CCNB1: variants seen among roughly 807,000 people sequenced by gnomAD.
The protein encoded by CCNB1 is G2/mitotic-specific cyclin-B1.
Under a neutral mutation model 44.4 loss-of-function variants are expected in CCNB1, and 26 were observed. That is an observed-to-expected ratio of 0.59 (90% CI 0.43 to 0.81). CCNB1 has a LOEUF of 0.81. CCNB1 is among the 40% of genes least tolerant of loss of function. The pLI is 0.00. For missense variants in CCNB1, 477 were observed against 520.9 expected (o/e 0.92, Z 0.82); for synonymous variants, 195 against 181.4 (o/e 1.08, Z -0.60).
rs1217971657 is a variant in CCNB1 at position 69,177,231 on chromosome 5, T to C, written c.1084-8T>C. 2 of 1,486,184 alleles carry C rather than the reference T, an allele frequency of 1.3e-6. No individual in the cohort carries two copies. The highest frequency in any genetic ancestry group is 1.4e-5 in the African/African-American group (1 of 72,088). The allele number at this position is 1,486,184 out of a possible 1,614,324, so 92.1% of individuals were successfully genotyped here. A position where few individuals can be genotyped will look rare whatever the true frequency, so the allele number is the denominator to read the frequency against. ...TTGAGCATTTTTAACATTAACTTGT[T>C]GCCTTAGACACCAACTCTACAACAT... On this transcript the variant is annotated splice_region_variant and splice_polypyrimidine_tract_variant and intron_variant, in intron 7 of 8. Transcript: ENST00000256442.
rs779376687 is a variant in CCNB1 at position 69,168,242 on chromosome 5, A to ATGCTGG, written c.266_271dup (p.Leu89_Val90dup). ...ACCAAAACCTCTTGAAAAGGTACCT[A>ATGCTGG]TGCTGGTGCCAGTGCCAGTGTCTGA... On this transcript the variant is annotated inframe_insertion, in exon 3 of 9. Coordinates refer to ENST00000256442, the MANE Select transcript of CCNB1 (RefSeq NM_031966.4). 7 of 1,614,126 alleles carry ATGCTGG rather than the reference A, an allele frequency of 4.3e-6. No homozygotes were observed. The highest frequency in any genetic ancestry group is 5.1e-6 in the Non-Finnish European group (6 of 1,179,970).
intron 1 of CCNB1, 56 bp downstream of exon 1, chr5:69,167,339 C>T (rs775547821): frequency 1.9e-6 from 3 of 1,587,938 alleles, no homozygotes; most frequent in African/African-American, 1.3e-5. Flanking sequence ...GCCTGCTCTC[C>T]CTGCCTCGCC....
intron 7 of CCNB1, among the ~76,000 whole-genome samples, chr5:69,176,534 A>G (rs910396783): frequency 1.7e-3 from 206 of 124,408 alleles, no homozygotes; most frequent in African/African-American, 7.5e-3. Flanking sequence ...TTTTATATAT[A>G]TATATATATT....
chr5:69,174,727 T>A, intron 5 of CCNB1, 150 bp from the exon 6 acceptor site: 4 of 739,232 alleles, frequency 5.4e-6, no homozygotes, highest in Non-Finnish European at 9.1e-6. Flanking sequence ...AAGAAAGAAA[T>A]AAACTGACTT....
intron 7 of CCNB1, among the ~76,000 whole-genome samples, chr5:69,176,587 G>A (rs185905925): frequency 2.7e-5 from 4 of 149,860 alleles, no homozygotes; most frequent in Middle Eastern, 3.6e-3. Flanking sequence ...AGCCAGGATG[G>A]TCTTGATCTC....
intron 3 of CCNB1, among the ~76,000 whole-genome samples, chr5:69,170,052 C>T (rs1315134809): frequency 6.6e-6 from 1 of 151,986 alleles, no homozygotes; most frequent in Non-Finnish European, 1.5e-5. Flanking sequence ...CAACCTCTAC[C>T]TCCTGGGTTC....
chr5:69,167,323 G>A, intron 1 of CCNB1, 40 bp downstream of exon 1: 1 of 1,601,112 alleles, frequency 6.2e-7, no homozygotes. Flanking sequence ...GGCCTTCTTA[G>A]CTGCTGCCTG....
chr5:69,169,628 A>T (rs1288135788), intron 3 of CCNB1, among the ~76,000 whole-genome samples: 1 of 151,366 alleles, frequency 6.6e-6, no homozygotes, highest in East Asian at 2.0e-4. Context: ...AACTTCCCCC[A>T]TCTCCACCCC....
chr5:69,169,439 G>A (rs1041054021), intron 3 of CCNB1, among the ~76,000 whole-genome samples: 3 of 152,202 alleles, frequency 2.0e-5, no homozygotes, highest in Non-Finnish European at 4.4e-5. Context: ...CATGAAATAT[G>A]TAGCCAGCAC....
chr5:69,177,511 T>A lies in CCNB1; in HGVS notation c.1195-13T>A. 1 of 1,576,368 alleles carries A rather than the reference T, an allele frequency of 6.3e-7. No individual in the cohort carries two copies. Among genetic ancestry groups the A allele is most frequent in the Non-Finnish European group, 8.7e-7 (1 of 1,148,460 alleles). On this transcript the variant is annotated splice_polypyrimidine_tract_variant and intron_variant, in intron 8 of 8. Coordinates refer to ENST00000256442, the MANE Select transcript of CCNB1 (RefSeq NM_031966.4). ...TCTTTTGCCTCTTTAATTGCTATCT[T>A]TTTGTCTTCCAGACTGTCAAGAACA... is the stretch of plus-strand genomic sequence containing the variant.
At chr5:69,177,401 C>A in intron 8 of CCNB1, 52 bp downstream of exon 8, 1 of 1,328,548 alleles carries the variant, frequency 7.5e-7, no homozygotes, top group Non-Finnish European at 1.1e-6. Flanking sequence ...ATAATTCAAA[C>A]TTAATGCCTG....
intron 7 of CCNB1, among the ~76,000 whole-genome samples, chr5:69,176,014 T>TATATACAC: frequency 7.4e-6 from 1 of 134,956 alleles, no homozygotes; most frequent in Non-Finnish European, 1.6e-5. Context: ...TATATATATA[T>TATATACAC]ACAGGCACAC....
chr5:69,169,049 G>C (rs1407954291), intron 3 of CCNB1, among the ~76,000 whole-genome samples: 2 of 152,118 alleles, frequency 1.3e-5, no homozygotes, highest in Non-Finnish European at 2.9e-5. Flanking sequence ...TTTAAACTTA[G>C]TTAAAACCAG....
chr5:69,173,644 G>C (rs1291236149), intron 4 of CCNB1, among the ~76,000 whole-genome samples: 1 of 152,180 alleles, frequency 6.6e-6, no homozygotes, highest in East Asian at 1.9e-4. Context: ...GAAAAGATCT[G>C]AGATGATAAT....
rs1185018298 is a variant in CCNB1, at chr5:69,175,145, G to A, written c.942+32G>A. On this transcript the variant is annotated intron_variant, in intron 6 of 8. Transcript: ENST00000256442. ...GTTTCTTGAGAAACCTCTCCGTATG[G>A]GTACATTAGGGGGAACACTGCTGCT... The A allele has an allele frequency of 2.1e-6, 3 of 1,451,364 alleles. No individual in the cohort carries two copies. The South Asian group carries it at 3.4e-5, about 17-fold the overall frequency. The allele number at this position is 1,451,364 out of a possible 1,614,324, so 89.9% of individuals were successfully genotyped here.
At chr5:69,168,131 C>T (rs769586600) in intron 2 of CCNB1, 42 bp from the exon 3 acceptor site, 1 of 1,611,082 alleles carries the variant, frequency 6.2e-7, no homozygotes, top group Admixed American at 1.7e-5. Flanking sequence ...CAACTGTGGC[C>T]TTTGATGCAG....
intron 3 of CCNB1, among the ~76,000 whole-genome samples, chr5:69,168,693 G>A (rs1747394276): frequency 6.6e-6 from 1 of 152,204 alleles, no homozygotes; most frequent in African/African-American, 2.4e-5. Flanking sequence ...TTAAGTAGTA[G>A]CTGTCTGAGC....
chr5:69,176,541 TA>T (rs200782233), intron 7 of CCNB1, among the ~76,000 whole-genome samples: 102 of 79,444 alleles, frequency 1.3e-3, no homozygotes, highest in African/African-American at 8.1e-3. Flanking sequence ...TATATATATA[TA>T]TTTTTTTTTA....
At chr5:69,176,121 C>T (rs908856661) in intron 7 of CCNB1, among the ~76,000 whole-genome samples, 2 of 151,166 alleles carry the variant, frequency 1.3e-5, no homozygotes, top group South Asian at 4.2e-4. Context: ...ACTCTGGGCT[C>T]AAGCGATCCA....
Sources: gnomAD v4.1 joint callset for allele counts (sites outside exome capture counted in the v4.1 genomes callset) on GRCh38, gnomAD v4.1.1 for gene constraint, MANE v1.5 for transcripts, NCBI Gene and HGNC (gene_info 2026-07-23, HGNC 2026-07-21) for gene names.